Variants in LRP6 observed in about 807,000 individuals in gnomAD.
LRP6 encodes low-density lipoprotein receptor-related protein 6.
In LRP6, 43 loss-of-function variants were observed where a neutral mutation model predicts 184.1. The ratio of observed to expected loss-of-function variants is 0.23; its 90% CI spans 0.18 to 0.30. The LOEUF (loss-of-function observed/expected upper bound fraction) is 0.30. LRP6 is among the 10% of genes least tolerant of loss of function. The pLI, the probability that LRP6 is intolerant of heterozygous loss-of-function variation, is 1.00. For synonymous variants in LRP6, 719 were observed against 684.9 expected (o/e 1.05, Z -0.78); for missense variants, 1,571 against 2,005.3 (o/e 0.78, Z 4.14).
At chr12:12,136,189 C>CA (rs1181030593) in intron 16 of LRP6, among the ~76,000 whole-genome samples, 2 of 151,768 alleles carry the variant, frequency 1.3e-5, no homozygotes, top group Admixed American at 6.6e-5. Context: ...TCCATCTCTA[C>CA]AAAAAACAAC....
In LRP6 at chr12:12,236,794, G is replaced by A. The variant is rs543059056; in HGVS notation, c.449+7468C>T. On this transcript the variant is annotated intron_variant, in intron 2 of 22. Coordinates refer to ENST00000261349, the MANE Select transcript of LRP6 (RefSeq NM_002336.3). ...AAGGATACAGATGAACAACCACATG[G>A]AAAAGATACATAGGGAGAGATCCAG... 2.0e-5 allele frequency among the ~76,000 whole-genome samples: 3 copies of A among 152,268 alleles called. No homozygotes were observed. In the East Asian group the frequency reaches 5.8e-4, roughly 29 times the overall value.
intron 2 of LRP6, among the ~76,000 whole-genome samples, chr12:12,216,655 T>TAAA (rs34936968): frequency 6.1e-4 from 84 of 137,076 alleles, no homozygotes; most frequent in African/African-American, 1.8e-3. Flanking sequence ...ACTTAAAATT[T>TAAA]AAAAAAAAAA....
intron 2 of LRP6, among the ~76,000 whole-genome samples, chr12:12,225,791 G>A (rs1864607000): frequency 6.6e-6 from 1 of 151,474 alleles, no homozygotes; most frequent in African/African-American, 2.4e-5. Flanking sequence ...AGAATCGCTT[G>A]AACCCGGGAG....
chr12:12,190,740 C>T (rs1863592103), intron 3 of LRP6, among the ~76,000 whole-genome samples: 1 of 152,152 alleles, frequency 6.6e-6, no homozygotes, highest in South Asian at 2.1e-4. Flanking sequence ...TTAATCATAC[C>T]ACAGGACTGC....
At chr12:12,256,466 G>A (rs562693418) in intron 1 of LRP6, among the ~76,000 whole-genome samples, 2 of 151,828 alleles carry the variant, frequency 1.3e-5, no homozygotes, top group African/African-American at 2.4e-5. Context: ...AGCAATGATC[G>A]CGCCACTGCA....
chr12:12,147,267 C>T (rs1950021765), intron 15 of LRP6, 99 bp downstream of exon 15: 1 of 1,365,558 alleles, frequency 7.3e-7, no homozygotes, highest in Admixed American at 1.8e-5. Context: ...AATAAAACTG[C>T]CAAGAAATGT....
At position 12,180,162 on chromosome 12, in the gene LRP6, T is replaced by G. The variant is rs139208592; in HGVS notation, c.1374-181A>C. 7.3e-5 allele frequency among the ~76,000 whole-genome samples: 11 copies of G among 151,028 alleles called. No homozygotes were observed. The East Asian group carries it at 2.1e-3, about 29-fold the overall frequency. On this transcript the variant is annotated intron_variant, in intron 6 of 22. Transcript: ENST00000261349. ...CATTTATCCCAGCAATATATAAGAT[T>G]GTGGGAAATTTTCAGATCAGTGTGT...
intron 1 of LRP6, 52 bp from the exon 2 acceptor site, chr12:12,244,707 T>C: frequency 6.3e-7 from 1 of 1,583,584 alleles, no homozygotes; most frequent in South Asian, 1.1e-5. Flanking sequence ...AACGTATTGG[T>C]TCTTATAAAC....
At chr12:12,140,101 A>C (rs374499154) in intron 15 of LRP6, among the ~76,000 whole-genome samples, 3 of 152,304 alleles carry the variant, frequency 2.0e-5, no homozygotes, top group East Asian at 3.9e-4. Context: ...TATTTAAAGA[A>C]AACCTCTATC....
At chr12:12,171,327 TA>T (rs1287122504) in intron 7 of LRP6, among the ~76,000 whole-genome samples, 1 of 152,002 alleles carries the variant, frequency 6.6e-6, no homozygotes, top group Non-Finnish European at 1.5e-5. Flanking sequence ...CCATCCTGGC[TA>T]ACATGGTGAA....
intron 3 of LRP6, among the ~76,000 whole-genome samples, chr12:12,201,378 C>A (rs2137038388): frequency 6.6e-6 from 1 of 152,326 alleles, no homozygotes; most frequent in African/African-American, 2.4e-5. Flanking sequence ...ACCATAGTCA[C>A]ACTGCACTTG....
intron 2 of LRP6, among the ~76,000 whole-genome samples, chr12:12,214,827 T>C (rs1044941967): frequency 1.3e-5 from 2 of 152,222 alleles, no homozygotes; most frequent in Admixed American, 1.3e-4. Context: ...TACATTTGTT[T>C]TACCTGAGTT....
intron 1 of LRP6, among the ~76,000 whole-genome samples, chr12:12,245,403 T>C (rs1276428922): frequency 6.6e-6 from 1 of 152,126 alleles, no homozygotes; most frequent in East Asian, 1.9e-4. Context: ...AGCAGATCAA[T>C]GGCTGTCTCA....
chr12:12,208,081 G>A (rs912960424), intron 2 of LRP6, among the ~76,000 whole-genome samples: 5 of 152,160 alleles, frequency 3.3e-5, no homozygotes, highest in African/African-American at 9.7e-5. Flanking sequence ...TCATACAATG[G>A]AATACTATTC....
In LRP6 at chr12:12,131,077, C is replaced by A. The variant is rs576479562; in HGVS notation, c.3971-184G>T. ...AGAAAAAAGAGTAGGAGAAAAAAAT[C>A]CAGCAGGAAATTTCCTAACATTTTT... On this transcript the variant is annotated intron_variant, in intron 18 of 22. Transcript: ENST00000261349. Among the ~76,000 whole-genome samples, 78 of 149,208 alleles carry A rather than the reference C, an allele frequency of 5.2e-4. No individual in the cohort carries two copies. In the East Asian group the frequency reaches 9.2e-3, roughly 18 times the overall value.
chr12:12,253,790 A>G (rs1865388731), intron 1 of LRP6, among the ~76,000 whole-genome samples: 1 of 152,010 alleles, frequency 6.6e-6, no homozygotes. Flanking sequence ...TTTTACTCTA[A>G]TGCTTCCCTG....
intron 1 of LRP6, among the ~76,000 whole-genome samples, chr12:12,252,016 C>T (rs939062230): frequency 1.3e-5 from 2 of 152,132 alleles, no homozygotes; most frequent in Admixed American, 1.3e-4. Context: ...GCCTCAGCCT[C>T]CTGAGGAGCT....
intron 2 of LRP6, among the ~76,000 whole-genome samples, chr12:12,218,244 G>A (rs935019858): frequency 1.3e-5 from 2 of 152,088 alleles, no homozygotes; most frequent in East Asian, 3.9e-4. Context: ...AGGCCAAAGT[G>A]GGAGGACCAC....
intron 2 of LRP6, among the ~76,000 whole-genome samples, chr12:12,232,743 A>G (rs1864825459): frequency 6.6e-6 from 1 of 152,230 alleles, no homozygotes; most frequent in African/African-American, 2.4e-5. Flanking sequence ...TATCTCTAAT[A>G]AGAAAATACA....
Sources: gnomAD v4.1 joint callset for allele counts (sites outside exome capture counted in the v4.1 genomes callset) on GRCh38, gnomAD v4.1.1 for gene constraint, MANE v1.5 for transcripts, NCBI Gene and HGNC (gene_info 2026-07-23, HGNC 2026-07-21) for gene names.